The following LRRC37A variants were observed in gnomAD, a reference collection of about 807,000 sequenced individuals.
The protein encoded by LRRC37A is leucine rich repeat containing 37A, also known as leucine-rich repeat-containing protein 37A.
In LRRC37A, 3 loss-of-function variants were observed where a neutral mutation model predicts 35.4. The ratio of observed to expected loss-of-function variants is 0.08; its 90% CI spans 0.04 to 0.22. LRRC37A has a LOEUF of 0.22. LRRC37A is among the 10% of genes least tolerant of loss of function. The pLI is 1.00. For missense variants in LRRC37A, 67 were observed against 565.3 expected (o/e 0.12, Z 8.94); for synonymous variants, 23 against 215.0 (o/e 0.11, Z 7.81).
In LRRC37A at chr17:46,312,686, C is replaced by T. The variant is rs1340282717; in HGVS notation, c.2906+6377C>T. On this transcript the variant is annotated intron_variant, in intron 5 of 13. Coordinates refer to ENST00000320254, the Ensembl canonical transcript of LRRC37A. ...AAGGGGTAGCCGACTTTGTACAGAG[C>T]CCACCAGTGGTCTTACAAGTTTTCA... Among the ~76,000 whole-genome samples the T allele has an allele frequency of 3.9e-5, 3 of 76,306 alleles. 1 individual carries two copies. The highest frequency in any genetic ancestry group is 1.6e-4 in the African/African-American group (3 of 18,514). The allele number at this position is 76,306 out of a possible 152,430, so 50.1% of individuals were successfully genotyped here.
chr17:46,276,790 C>CTTTTTTTTTT, the LRRC37A span, among the ~76,000 whole-genome samples: 8 of 134,296 alleles, frequency 6.0e-5, no homozygotes, highest in Admixed American at 1.5e-4. Context: ...TTCTTTTTTT[C>CTTTTTTTTTT]TTTTTTTTTT....
intron 5 of LRRC37A, chr17:46,311,105 C>A: frequency 3.8e-6 from 1 of 263,150 alleles, no homozygotes; most frequent in Admixed American, 5.9e-5. Flanking sequence ...GCACTGCACT[C>A]CAGCCTGGGC....
chr17:46,279,489 T>A, the LRRC37A span, among the ~76,000 whole-genome samples: 16 of 139,976 alleles, frequency 1.1e-4, no homozygotes, highest in Admixed American at 1.2e-3. Flanking sequence ...TGGCCTTTTT[T>A]TTCTTTCTTT....
At chr17:46,281,034 A>G in the LRRC37A span, among the ~76,000 whole-genome samples, 2 of 152,208 alleles carry the variant, frequency 1.3e-5, no homozygotes, top group African/African-American at 4.8e-5. Flanking sequence ...TTATTCTTCC[A>G]TAATCTTCTA....
chr17:46,270,964 C>A, the LRRC37A span, among the ~76,000 whole-genome samples: 2 of 152,156 alleles, frequency 1.3e-5, no homozygotes, highest in African/African-American at 4.8e-5. Context: ...CAAATTGGAT[C>A]AAGTGGTATA....
chr17:46,253,256 T>C, the LRRC37A span, among the ~76,000 whole-genome samples: 2 of 140,932 alleles, frequency 1.4e-5, no homozygotes, highest in African/African-American at 2.7e-5. Flanking sequence ...CGCTCCTCAC[T>C]TCCTAGATGG....
At chr17:46,269,433 G>A in the LRRC37A span, among the ~76,000 whole-genome samples, 2 of 152,222 alleles carry the variant, frequency 1.3e-5, no homozygotes, top group Admixed American at 6.5e-5. Flanking sequence ...GAGGGAGGCT[G>A]AGGCAGGAGA....
the LRRC37A span, chr17:46,267,274 C>T: frequency 1.5e-5 from 16 of 1,101,028 alleles, 1 homozygote; most frequent in South Asian, 2.6e-4. Flanking sequence ...AACCAACGCC[C>T]AGGGACTGGG....
At chr17:46,271,621 G>A in the LRRC37A span, among the ~76,000 whole-genome samples, 18,548 of 152,152 alleles carry the variant, frequency 0.12, no homozygotes, top group Non-Finnish European at 0.18. Context: ...AAAGGAATTA[G>A]CAGAAATAGG....
chr17:46,314,508 T>C (rs2050964648), intron 5 of LRRC37A, among the ~76,000 whole-genome samples: 1 of 79,744 alleles, frequency 1.3e-5, no homozygotes, highest in Non-Finnish European at 3.8e-5. Context: ...GGAGACGGGG[T>C]TTCAGCACGT....
At chr17:46,269,052 C>T in the LRRC37A span, among the ~76,000 whole-genome samples, 17,625 of 150,554 alleles carry the variant, frequency 0.12, no homozygotes, top group Non-Finnish European at 0.18. Flanking sequence ...AATTTAAATA[C>T]ACAACTTTTA....
chr17:46,278,457 T>G, the LRRC37A span, among the ~76,000 whole-genome samples: 1 of 151,830 alleles, frequency 6.6e-6, no homozygotes, highest in Non-Finnish European at 1.5e-5. Context: ...CAGGCTAGAG[T>G]GCAGTGGTGT....
chr17:46,290,476 C>G, upstream of LRRC37A, among the ~76,000 whole-genome samples: 1 of 152,230 alleles, frequency 6.6e-6, no homozygotes, highest in Non-Finnish European at 1.5e-5. Context: ...TTTTTTGTTT[C>G]GAGATGGAGT....
chr17:46,290,769 T>G (rs201576891), upstream of LRRC37A, among the ~76,000 whole-genome samples: 3 of 152,232 alleles, frequency 2.0e-5, no homozygotes, highest in Non-Finnish European at 4.4e-5. Flanking sequence ...GTTTTATAGA[T>G]TCTAAAGCAG....
chr17:46,265,246 T>TTC, the LRRC37A span, among the ~76,000 whole-genome samples: 1 of 139,024 alleles, frequency 7.2e-6, no homozygotes, highest in African/African-American at 2.8e-5. Flanking sequence ...ACAAATTTCC[T>TTC]TTCTTCTTCT....
rs543049590 is a variant in LRRC37A, at chr17:46,325,629, A to G, written c.3053+2602A>G. Among the ~76,000 whole-genome samples the G allele has an allele frequency of 2.4e-5, 2 of 81,680 alleles. 1 individual carries two copies. Among genetic ancestry groups the G allele is most frequent in the East Asian group, 4.8e-4 (2 of 4,146 alleles). 53.6% of individuals were successfully genotyped at this position (81,680 alleles called of 152,430 possible). On this transcript the variant is annotated intron_variant, in intron 7 of 13. Transcript: ENST00000320254. ...CCATGTTATGATTAGGACAATTGTG[A>G]AAATGTGTATACGGACCGCATAGTA...
At chr17:46,282,803 C>T in the LRRC37A span, among the ~76,000 whole-genome samples, 7 of 152,320 alleles carry the variant, frequency 4.6e-5, no homozygotes, top group Admixed American at 3.3e-4. Context: ...AGAAAGCACC[C>T]CGTGGCTTTT....
the LRRC37A span, among the ~76,000 whole-genome samples, chr17:46,261,995 G>A: frequency 1.3e-5 from 2 of 152,152 alleles, no homozygotes; most frequent in African/African-American, 4.8e-5. Context: ...TGTTGCCCAG[G>A]CTGGAGTGCA....
upstream of LRRC37A, among the ~76,000 whole-genome samples, chr17:46,290,575 C>T (rs557214639): frequency 6.6e-6 from 1 of 152,244 alleles, no homozygotes; most frequent in African/African-American, 2.4e-5. Context: ...GCCTCCCAGG[C>T]AGCTGGGATT....
Sources: gnomAD v4.1 joint callset for allele counts (sites outside exome capture counted in the v4.1 genomes callset) on GRCh38, gnomAD v4.1.1 for gene constraint, MANE v1.5 for transcripts, NCBI Gene and HGNC (gene_info 2026-07-23, HGNC 2026-07-21) for gene names.